Variants in RPH3A observed in about 807,000 individuals in gnomAD.
RPH3A encodes the protein rabphilin 3A, also known as rabphilin-3A.
Under a neutral mutation model 102.2 loss-of-function variants are expected in RPH3A, and 48 were observed. The ratio of observed to expected loss-of-function variants is 0.47; its 90% CI spans 0.37 to 0.60. The LOEUF (loss-of-function observed/expected upper bound fraction) is 0.60, where lower values mean the gene tolerates loss of function less well. Among genes scored for constraint, RPH3A ranks in the 20% least tolerant of loss-of-function variants. The pLI, the probability that RPH3A is intolerant of heterozygous loss-of-function variation, is 0.00. For missense variants in RPH3A, 781 were observed against 910.1 expected, an observed-to-expected ratio of 0.86 and a Z score of 1.83; for synonymous variants, 310 against 324.3, an observed-to-expected ratio of 0.96 and a Z score of 0.47.
chr12:112,797,596 C>G (rs889793248), intron 2 of RPH3A, among the ~76,000 whole-genome samples: 1 of 152,016 alleles, frequency 6.6e-6, no homozygotes, highest in Non-Finnish European at 1.5e-5. Flanking sequence ...GACTCAGTTT[C>G]TCAGGTAGAT....
intron 18 of RPH3A, among the ~76,000 whole-genome samples, chr12:112,890,595 G>A (rs1269495686): frequency 6.6e-6 from 1 of 152,158 alleles, no homozygotes; most frequent in Non-Finnish European, 1.5e-5. Flanking sequence ...AGCAAGTTTA[G>A]TCTGTGCTCA....
intron 1 of RPH3A, among the ~76,000 whole-genome samples, chr12:112,703,277 T>G (rs1289013395): frequency 6.6e-6 from 1 of 152,162 alleles, no homozygotes; most frequent in Non-Finnish European, 1.5e-5. Context: ...TATTTGTGGG[T>G]TTGTTACACA....
chr12:112,586,676 T>G (rs1012340344), intron 1 of RPH3A, among the ~76,000 whole-genome samples: 3 of 152,176 alleles, frequency 2.0e-5, no homozygotes, highest in Non-Finnish European at 4.4e-5. Context: ...GTATTTCATT[T>G]TAGGAATGAT....
chr12:112,859,371 T>A (rs1318011247), intron 5 of RPH3A, among the ~76,000 whole-genome samples: 1 of 152,242 alleles, frequency 6.6e-6, no homozygotes, highest in African/African-American at 2.4e-5. Context: ...AAAATGCACT[T>A]TCTTCTCTGA....
intron 1 of RPH3A, among the ~76,000 whole-genome samples, chr12:112,643,834 G>T (rs370493766): frequency 6.6e-6 from 1 of 152,138 alleles, no homozygotes; most frequent in African/African-American, 2.4e-5. Context: ...CAAAGGAAAA[G>T]AAATCATTAA....
chr12:112,597,376 AGTTT>A (rs2039524929), intron 1 of RPH3A, among the ~76,000 whole-genome samples: 1 of 152,136 alleles, frequency 6.6e-6, no homozygotes, highest in Non-Finnish European at 1.5e-5. Flanking sequence ...TGAGCCCAGG[AGTTT>A]AAGACCAGCC....
intron 1 of RPH3A, among the ~76,000 whole-genome samples, chr12:112,606,049 G>A (rs771435838): frequency 6.6e-6 from 1 of 152,212 alleles, no homozygotes. Flanking sequence ...TAGCTGAGGT[G>A]TTGAGCAGCC....
intron 1 of RPH3A, among the ~76,000 whole-genome samples, chr12:112,660,361 G>C (rs2040041148): frequency 6.6e-6 from 1 of 151,922 alleles, no homozygotes; most frequent in African/African-American, 2.4e-5. Context: ...TACTCTAGTT[G>C]CTTATTTGAT....
intron 2 of RPH3A, among the ~76,000 whole-genome samples, chr12:112,816,066 C>G (rs888020379): frequency 6.6e-6 from 1 of 152,188 alleles, no homozygotes; most frequent in African/African-American, 2.4e-5. Context: ...CCCTATCCAG[C>G]AGGAGACATT....
chr12:112,606,838 G>A (rs2039600753), intron 1 of RPH3A, among the ~76,000 whole-genome samples: 1 of 152,146 alleles, frequency 6.6e-6, no homozygotes, highest in South Asian at 2.1e-4. Context: ...GCAAGGGGGA[G>A]CTCCACCCCC....
intron 4 of RPH3A, among the ~76,000 whole-genome samples, chr12:112,847,224 G>A (rs1464534941): frequency 6.6e-6 from 1 of 152,196 alleles, no homozygotes; most frequent in Non-Finnish European, 1.5e-5. Flanking sequence ...GAGACTTCGA[G>A]GCTGGAATTC....
intron 4 of RPH3A, among the ~76,000 whole-genome samples, chr12:112,838,894 A>T (rs769132149): frequency 1.3e-5 from 2 of 152,064 alleles, no homozygotes; most frequent in Non-Finnish European, 2.9e-5. Context: ...GGGTCCACCA[A>T]TGCTGGCCTT....
At chr12:112,599,264 G>T (rs191838513) in intron 1 of RPH3A, among the ~76,000 whole-genome samples, 3 of 152,298 alleles carry the variant, frequency 2.0e-5, no homozygotes, top group Admixed American at 6.5e-5. Context: ...TGCTTATAAG[G>T]CTTATGAGGG....
At chr12:112,886,419 G>A (rs990304435) in intron 16 of RPH3A, among the ~76,000 whole-genome samples, 1 of 151,826 alleles carries the variant, frequency 6.6e-6, no homozygotes, top group South Asian at 2.1e-4. Context: ...TTTTCATAAG[G>A]AGCGTGCAAA....
At chr12:112,773,285 G>C (rs1296121565) in intron 1 of RPH3A, among the ~76,000 whole-genome samples, 2 of 152,076 alleles carry the variant, frequency 1.3e-5, no homozygotes, top group Non-Finnish European at 2.9e-5. Flanking sequence ...CCCTTTTGTT[G>C]AAGGATGGGG....
intron 2 of RPH3A, among the ~76,000 whole-genome samples, chr12:112,792,920 T>G (rs560812387): frequency 6.6e-6 from 1 of 152,080 alleles, no homozygotes; most frequent in East Asian, 1.9e-4. Context: ...GCAGAGGAGA[T>G]GATGTTTTAT....
intron 1 of RPH3A, among the ~76,000 whole-genome samples, chr12:112,660,029 T>C (rs1163386975): frequency 6.6e-6 from 1 of 152,188 alleles, no homozygotes; most frequent in Non-Finnish European, 1.5e-5. Flanking sequence ...GTATTGCTTT[T>C]TCCAGGTCCT....
chr12:112,852,955 T>C (rs1392743808), intron 5 of RPH3A, among the ~76,000 whole-genome samples: 3 of 152,164 alleles, frequency 2.0e-5, no homozygotes, highest in Non-Finnish European at 4.4e-5. Context: ...GAGGTCAGCT[T>C]CCCTAAACAG....
chr12:112,670,413 C>T (rs570481637), intron 1 of RPH3A, among the ~76,000 whole-genome samples: 3 of 152,226 alleles, frequency 2.0e-5, no homozygotes, highest in South Asian at 4.1e-4. Flanking sequence ...GAACTCCTGA[C>T]CTCAGGAGTT....
Sources: gnomAD v4.1 joint callset for allele counts (sites outside exome capture counted in the v4.1 genomes callset) on GRCh38, gnomAD v4.1.1 for gene constraint, MANE v1.5 for transcripts, NCBI Gene and HGNC (gene_info 2026-07-23, HGNC 2026-07-21) for gene names.